Variants in CELF3 observed in about 807,000 individuals in gnomAD.
CELF3 encodes CAG repeat domain.
CELF3 carries 26 observed loss-of-function variants against 59.6 expected under a neutral mutation model. That is an observed-to-expected ratio of 0.44 (90% CI 0.32 to 0.61). CELF3 has a LOEUF of 0.61. Among genes scored for constraint, CELF3 ranks in the 20% least tolerant of loss-of-function variants. The probability of loss-of-function intolerance (pLI) is 0.06; values close to 1 mark genes in which losing one functional copy is unlikely to be tolerated. For synonymous variants in CELF3, 245 were observed against 250.7 expected, an observed-to-expected ratio of 0.98 and a Z score of 0.22; for missense variants, 387 against 627.2, an observed-to-expected ratio of 0.62 and a Z score of 4.09.
At chr1:151,703,811 C>G (rs924526152) in intron 12 of CELF3, among the ~76,000 whole-genome samples, 1 of 152,084 alleles carries the variant, frequency 6.6e-6, no homozygotes, top group Admixed American at 6.5e-5. Context: ...GTGTAAGAGA[C>G]AGACACCTGG....
In CELF3 at chr1:151,709,721, A is replaced by G. The variant is rs779458036; in HGVS notation, c.277+22T>C. 2 of 1,612,822 alleles carry G rather than the reference A, an allele frequency of 1.2e-6. No individual in the cohort carries two copies. The highest frequency in any genetic ancestry group is 2.7e-5 in the African/African-American group (2 of 74,900). ...CCTGGGGGTGGGAGGAGAGGGACAG[A>G]GTCCAAAGGCACAGAACCTACCTCC... On this transcript the variant is annotated intron_variant, in intron 3 of 12. Coordinates refer to ENST00000290583, the MANE Select transcript of CELF3 (RefSeq NM_007185.7). This position sits in a 1 kb window ranked among gnomAD's most constrained non-coding sequence, Gnocchi z 4.9.
Position 151,701,259 on chromosome 1 carries a change from G to GCTGCTTA in CELF3, c.*2193_*2199dup, listed in dbSNP as rs1306971039. 2 of 152,144 alleles carry GCTGCTTA rather than the reference G, an allele frequency of 1.3e-5. No individual in the cohort carries two copies. The highest frequency in any genetic ancestry group is 2.9e-5 in the Non-Finnish European group (2 of 68,038). 9.4% of individuals were successfully genotyped at this position (152,144 alleles called of 1,614,324 possible). Reference sequence around the variant, plus strand: ...TTGGCTTGAGTAGGTACCTAGTGGTGCTGCTTACTAATGATGAAGACAGAG... The same window carrying GCTGCTTA: ...TTGGCTTGAGTAGGTACCTAGTGGTGCTGCTTACTGCTTACTAATGATGAAGACAGAG... On this transcript the variant is annotated 3_prime_UTR_variant, in exon 13 of 13. Transcript: ENST00000290583.
intron 2 of CELF3, chr1:151,710,855 T>C (rs1048560473): frequency 4.4e-6 from 2 of 456,300 alleles, no homozygotes; most frequent in African/African-American, 4.0e-5. Context: ...TTGATTTTCT[T>C]AACCAGGGTG....
intron 2 of CELF3, among the ~76,000 whole-genome samples, chr1:151,713,890 G>A (rs1027761116): frequency 9.9e-5 from 15 of 152,206 alleles, no homozygotes; most frequent in African/African-American, 3.6e-4. Context: ...AAGACACAAA[G>A]AGATAGGACC....
intron 12 of CELF3, 49 bp downstream of exon 12, chr1:151,704,982 C>A: frequency 1.3e-6 from 2 of 1,560,736 alleles, no homozygotes; most frequent in South Asian, 1.2e-5. Context: ...AGGGCCCTGG[C>A]TGCAGTGTGT....
rs1180465006 is a variant in CELF3, at chr1:151,706,657, A to G, written c.988+12T>C. On this transcript the variant is annotated intron_variant, in intron 9 of 12. Coordinates refer to ENST00000290583, the MANE Select transcript of CELF3 (RefSeq NM_007185.7). ...TCCCACCTGAGCAGGGGCCCTGGCT[A>G]GGGCGCCTCACCTGTGTAGTGCTGC... The G allele has an allele frequency of 6.4e-7, 1 of 1,551,046 alleles. No individual in the cohort carries two copies. Among genetic ancestry groups the G allele is most frequent in the Non-Finnish European group, 8.7e-7 (1 of 1,146,884 alleles).
At chr1:151,715,026 C>G (rs1673355416) in intron 1 of CELF3, among the ~76,000 whole-genome samples, 1 of 152,078 alleles carries the variant, frequency 6.6e-6, no homozygotes, top group Non-Finnish European at 1.5e-5. Context: ...TCACCTCCAC[C>G]TCCCTCCATC....
intron 2 of CELF3, among the ~76,000 whole-genome samples, chr1:151,713,262 G>A (rs930828660): frequency 3.9e-5 from 6 of 152,178 alleles, no homozygotes; most frequent in Non-Finnish European, 8.8e-5. Flanking sequence ...ACTTCCTCAA[G>A]AAGGGCAGGT....
chr1:151,715,444 T>A (rs558627023), intron 1 of CELF3, among the ~76,000 whole-genome samples: 1 of 152,088 alleles, frequency 6.6e-6, no homozygotes, highest in Non-Finnish European at 1.5e-5. Flanking sequence ...GCTTTCCACA[T>A]TGAACACCTG....
chr1:151,710,581 AG>A, intron 2 of CELF3: 1 of 454,004 alleles, frequency 2.2e-6, no homozygotes, highest in East Asian at 7.0e-5. Flanking sequence ...CTTGCAGAGC[AG>A]GCCCTGCAGG....
intron 1 of CELF3, 87 bp downstream of exon 1, chr1:151,715,789 C>T (rs867111883): frequency 1.9e-6 from 3 of 1,594,352 alleles, no homozygotes; most frequent in Non-Finnish European, 2.6e-6. Flanking sequence ...TCAGCCCTTC[C>T]CAGCCGCTCC....
rs1414460217 is a variant in CELF3 at position 151,706,480 on chromosome 1, T to C, written c.989-119A>G. 1.1e-5 allele frequency: 14 copies of C among 1,233,852 alleles called. No individual in the cohort carries two copies. The Admixed American group carries it at 3.1e-4, about 27-fold the overall frequency. The allele number at this position is 1,233,852 out of a possible 1,614,324, so 76.4% of individuals were successfully genotyped here. On this transcript the variant is annotated intron_variant, in intron 9 of 12. Transcript: ENST00000290583. ...TGGCACCTGCAGGGCTGAGAGGTGG[T>C]CAGGGAAGGAGCTGCCTCAGACCCC...
chr1:151,713,452 C>T (rs1244760742), intron 2 of CELF3: 1 of 152,220 alleles, frequency 6.6e-6, no homozygotes, highest in Non-Finnish European at 1.5e-5. Flanking sequence ...TCCTCTGACC[C>T]CCTCTCATTT....
chr1:151,708,932 G>A, intron 5 of CELF3, 66 bp downstream of exon 5: 1 of 1,450,006 alleles, frequency 6.9e-7, no homozygotes, highest in Non-Finnish European at 9.6e-7. Context: ...CTGCTTCTCT[G>A]GGCCAGGGCC....
chr1:151,714,753 A>G (rs1402604806), intron 1 of CELF3, 77 bp from the exon 2 acceptor site: 10 of 1,035,370 alleles, frequency 9.7e-6, no homozygotes, highest in Non-Finnish European at 1.5e-5. Flanking sequence ...CTCCCTTCCA[A>G]AGACTGACGA....
Position 151,707,940 on chromosome 1 carries a change from G to A in CELF3, c.487-5C>T. The A allele has an allele frequency of 6.2e-7, 1 of 1,609,294 alleles. No individual in the cohort carries two copies. The highest frequency in any genetic ancestry group is 8.5e-7 in the Non-Finnish European group (1 of 1,176,820). ...CACCAGGCTGGACGAGGCACCCTGG[G>A]CACGGGCCCACACACAGGTCAGAGG... On this transcript the variant is annotated splice_region_variant and splice_polypyrimidine_tract_variant and intron_variant, in intron 5 of 12. Transcript: ENST00000290583.
In CELF3 at chr1:151,703,102, A is replaced by T; in HGVS notation, c.*357T>A. The T allele has an allele frequency of 4.4e-6, 2 of 455,966 alleles. No individual in the cohort carries two copies. Among genetic ancestry groups the T allele is most frequent in the South Asian group, 3.1e-5 (2 of 64,472 alleles). The allele number at this position is 455,966 out of a possible 1,614,324, so 28.2% of individuals were successfully genotyped here. A position where few individuals can be genotyped will look rare whatever the true frequency, so the allele number is the denominator to read the frequency against. Reference sequence around the variant, plus strand: ...GCTCTCCTGGGGCCTGCACGGGTAGAACAGGCCCACTGTTGGGGGAGGCAA... The same window carrying T: ...GCTCTCCTGGGGCCTGCACGGGTAGTACAGGCCCACTGTTGGGGGAGGCAA... On this transcript the variant is annotated 3_prime_UTR_variant, in exon 13 of 13. Transcript: ENST00000290583.
At chr1:151,710,083 C>A in intron 2 of CELF3, 1 of 442,380 alleles carries the variant, frequency 2.3e-6, no homozygotes, top group South Asian at 2.8e-5. Flanking sequence ...GAGAAGGGGG[C>A]CTGCACATAG....
intron 12 of CELF3, 47 bp downstream of exon 12, chr1:151,704,984 G>A (rs1307512184): frequency 1.9e-6 from 3 of 1,562,306 alleles, no homozygotes; most frequent in Admixed American, 1.7e-5. Context: ...GGCCCTGGCT[G>A]CAGTGTGTGA....
Sources: allele counts gnomAD v4.1 joint callset (sites outside exome capture counted in the v4.1 genomes callset), GRCh38; gene constraint gnomAD v4.1.1; non-coding constraint Gnocchi (gnomAD v3.1); transcripts MANE v1.5; gene names NCBI Gene and HGNC (gene_info 2026-07-23, HGNC 2026-07-21).